TOM1: variants seen among roughly 807,000 people sequenced by gnomAD.
TOM1 encodes the protein target of myb1 membrane trafficking protein.
TOM1 carries 38 observed loss-of-function variants against 61.3 expected under a neutral mutation model. That is an observed-to-expected ratio of 0.62 (90% CI 0.48 to 0.81). TOM1 has a LOEUF of 0.81. Ranked by LOEUF, TOM1 falls within the 40% of genes least tolerant of loss-of-function variation. The probability of loss-of-function intolerance (pLI) is 0.00; values close to 1 mark genes in which losing one functional copy is unlikely to be tolerated. For synonymous variants in TOM1, 270 were observed against 268.8 expected (o/e 1.00, Z -0.04); for missense variants, 591 against 659.6 (o/e 0.90, Z 1.14).
At position 35,340,739 on chromosome 22, in the gene TOM1, C is replaced by A. The variant is rs1929804051; in HGVS notation, c.1224+1951C>A. ...TCCAGCCTGGGCAATGGAGTAAGACCCTGTCTCAAGAAAAGAAGGAAAGCA... is the reference window on the plus strand; with the variant it reads ...TCCAGCCTGGGCAATGGAGTAAGACACTGTCTCAAGAAAAGAAGGAAAGCA... On this transcript the variant is annotated intron_variant, in intron 12 of 14. Coordinates refer to ENST00000449058, the MANE Select transcript of TOM1 (RefSeq NM_005488.3). 2.0e-5 allele frequency among the ~76,000 whole-genome samples: 3 copies of A among 151,532 alleles called. No homozygotes were observed. In the South Asian group the frequency reaches 6.2e-4, roughly 32 times the overall value.
intron 6 of TOM1, among the ~76,000 whole-genome samples, chr22:35,325,817 C>T (rs1394383251): frequency 3.9e-5 from 6 of 152,134 alleles, no homozygotes; most frequent in African/African-American, 1.4e-4. Context: ...TTGTTTAATT[C>T]GAGAGTCCCC....
chr22:35,330,678 T>C (rs377231744), intron 8 of TOM1, among the ~76,000 whole-genome samples, 198 bp downstream of exon 8: 68 of 152,290 alleles, frequency 4.5e-4, no homozygotes, highest in African/African-American at 1.6e-3. Flanking sequence ...AGCCGCCCTG[T>C]ATCTCCTTTC....
chr22:35,334,489 T>C (rs1439020534), intron 11 of TOM1, 41 bp downstream of exon 11: 1 of 1,611,480 alleles, frequency 6.2e-7, no homozygotes, highest in South Asian at 1.1e-5. Flanking sequence ...GCAGTTCGGG[T>C]GGCTCTCGGG....
chr22:35,334,290 G>GT, intron 10 of TOM1, 38 bp from the exon 11 acceptor site: 1 of 1,594,276 alleles, frequency 6.3e-7, no homozygotes, highest in Non-Finnish European at 8.6e-7. Flanking sequence ...ACACAAGCTT[G>GT]TGGATGGGTC....
chr22:35,305,652 C>G (rs1474773846), intron 1 of TOM1, among the ~76,000 whole-genome samples: 1 of 111,304 alleles, frequency 9.0e-6, no homozygotes, highest in African/African-American at 2.7e-5. Flanking sequence ...GAGTGAGACT[C>G]AATCTCAAAA....
At chr22:35,325,048 C>T (rs1928192613) in intron 6 of TOM1, among the ~76,000 whole-genome samples, 1 of 152,214 alleles carries the variant, frequency 6.6e-6, no homozygotes, top group African/African-American at 2.4e-5. Flanking sequence ...ACAGCCATGA[C>T]CAGCTCGTAG....
Position 35,314,519 on chromosome 22 carries a change from C to T in TOM1, c.53-3358C>T, listed in dbSNP as rs915173595. ...GGATTTCTCTTATTTATCAATGTCC[C>T]CGCTTCCCTTTAAAAGCCACTTACT... On this transcript the variant is annotated intron_variant, in intron 1 of 14. Coordinates refer to ENST00000449058, the MANE Select transcript of TOM1 (RefSeq NM_005488.3). 7.2e-5 allele frequency among the ~76,000 whole-genome samples: 11 copies of T among 152,250 alleles called. No homozygotes were observed. The South Asian group carries it at 2.1e-3, about 29-fold the overall frequency.
chr22:35,324,999 G>A (rs1386232482), intron 6 of TOM1, among the ~76,000 whole-genome samples: 1 of 152,230 alleles, frequency 6.6e-6, no homozygotes, highest in African/African-American at 2.4e-5. Flanking sequence ...TGAGCTGCTT[G>A]TGGAGTGCCA....
Position 35,323,421 on chromosome 22 carries a change from CTCTG to C in TOM1, c.367-70_367-67del, listed in dbSNP as rs924544516. 1.3e-6 allele frequency: 2 copies of C among 1,513,396 alleles called. No individual in the cohort carries two copies. Among genetic ancestry groups the C allele is most frequent in the Non-Finnish European group, 1.8e-6 (2 of 1,113,570 alleles). 93.7% of individuals were successfully genotyped at this position (1,513,396 alleles called of 1,614,324 possible). On this transcript the variant is annotated intron_variant, in intron 4 of 14. Coordinates refer to ENST00000449058, the MANE Select transcript of TOM1 (RefSeq NM_005488.3). The surrounding 1 kb of genome is among the most constrained non-coding windows in gnomAD (Gnocchi z 4.2). ...AAAAAGCAGGGAAAGAATGTCTGTT[CTCTG>C]TCTGAGTGCCAGGTGGGCAGGCTCA...
At chr22:35,345,905 A>C (rs753829882) in intron 13 of TOM1, 121 bp downstream of exon 13, 20 of 1,061,748 alleles carry the variant, frequency 1.9e-5, no homozygotes, top group Non-Finnish European at 2.4e-5. Flanking sequence ...AGAGGGGCAC[A>C]CTTAAAGTCC....
At chr22:35,303,229 G>C (rs532979721) in intron 1 of TOM1, among the ~76,000 whole-genome samples, 1 of 152,028 alleles carries the variant, frequency 6.6e-6, no homozygotes, top group Non-Finnish European at 1.5e-5. Context: ...ACCCTTCAAA[G>C]TACAGGGCAT....
chr22:35,333,048 C>T, intron 9 of TOM1, 34 bp downstream of exon 9: 2 of 1,611,918 alleles, frequency 1.2e-6, no homozygotes, highest in South Asian at 1.1e-5. Flanking sequence ...TAGATCAGGC[C>T]CTGTTCATGG....
chr22:35,306,413 AC>A (rs1419326789), intron 1 of TOM1, among the ~76,000 whole-genome samples: 1 of 152,120 alleles, frequency 6.6e-6, no homozygotes, highest in African/African-American at 2.4e-5. Flanking sequence ...TAAGTACAGG[AC>A]CCACATTAGA....
Position 35,336,307 on chromosome 22 carries a change from G to C in TOM1, c.1148+1859G>C, listed in dbSNP as rs147343415. 2.6e-5 allele frequency among the ~76,000 whole-genome samples: 4 copies of C among 152,216 alleles called. No homozygotes were observed. The East Asian group carries it at 7.7e-4, about 29-fold the overall frequency. The stretch of plus-strand genomic sequence containing the variant: ...CTGGCCCCCTTAAATGCTTCTGGTG[G>C]ATCTTCCAGCTCTGGTCACCTGACT... On this transcript the variant is annotated intron_variant, in intron 11 of 14. Coordinates refer to ENST00000449058, the MANE Select transcript of TOM1 (RefSeq NM_005488.3).
chr22:35,338,874 A>T, intron 12 of TOM1, 86 bp downstream of exon 12: 7 of 1,273,250 alleles, frequency 5.5e-6, no homozygotes, highest in Non-Finnish European at 7.4e-6. Context: ...TTGTGGGCCA[A>T]GCACTGGCCC....
chr22:35,305,271 G>A (rs976608290), intron 1 of TOM1, among the ~76,000 whole-genome samples: 3 of 152,212 alleles, frequency 2.0e-5, no homozygotes, highest in Non-Finnish European at 4.4e-5. Context: ...GCAACACAGA[G>A]GTGCTGTCAT....
intron 1 of TOM1, 100 bp from the exon 2 acceptor site, chr22:35,317,777 C>T: frequency 1.2e-6 from 1 of 816,564 alleles, no homozygotes; most frequent in Admixed American, 1.8e-5. Context: ...TCCTCCTCCC[C>T]ATCTCATCCG....
At chr22:35,314,106 G>A (rs1486256712) in intron 1 of TOM1, among the ~76,000 whole-genome samples, 1 of 152,216 alleles carries the variant, frequency 6.6e-6, no homozygotes, top group Non-Finnish European at 1.5e-5. Context: ...TGCCTACCCT[G>A]TGGGCATCTG....
intron 11 of TOM1, among the ~76,000 whole-genome samples, chr22:35,335,317 C>T (rs1316025731): frequency 1.3e-5 from 2 of 152,200 alleles, no homozygotes; most frequent in Non-Finnish European, 2.9e-5. Context: ...TGTCAATGGG[C>T]CTCCAGAGAG....
Sources: allele counts gnomAD v4.1 joint callset (sites outside exome capture counted in the v4.1 genomes callset), GRCh38; gene constraint gnomAD v4.1.1; non-coding constraint Gnocchi (gnomAD v3.1); transcripts MANE v1.5; gene names NCBI Gene and HGNC (gene_info 2026-07-23, HGNC 2026-07-21).